The following IYD variants were observed in gnomAD, a reference collection of about 807,000 sequenced individuals.
The protein encoded by IYD is iodotyrosine deiodinase, also known as iodotyrosine deiodinase 1.
IYD carries 25 observed loss-of-function variants against 28.4 expected under a neutral mutation model. That is an observed-to-expected ratio of 0.88 (90% CI 0.64 to 1.23). The LOEUF (loss-of-function observed/expected upper bound fraction) is 1.23. IYD is among the 50% of genes most tolerant of loss of function. The pLI, the probability that IYD is intolerant of heterozygous loss-of-function variation, is 0.00. For synonymous variants in IYD, 140 were observed against 130.8 expected, an observed-to-expected ratio of 1.07 and a Z score of -0.48; for missense variants, 352 against 357.9, an observed-to-expected ratio of 0.98 and a Z score of 0.13.
chr6:150,392,486 CA>C lies in IYD; in HGVS notation c.513del (p.Asp172ThrfsTer5). 6.2e-7 allele frequency: 1 copy of C among 1,613,934 alleles called. No homozygotes were observed. The highest frequency in any genetic ancestry group is 1.1e-5 in the South Asian group (1 of 91,070). ...AAAAGGATGGGACATCGCTGGGTCA[CA>C]GACCTCAAGAAACTGAGGTACAAAC... ...YMKRMGHRWVTDLKKLRTNWI... is the reference protein window; with the variant it reads ...YMKRMGHRWVXDLKKLRTNWI... On this transcript the variant is annotated frameshift_variant, in exon 3 of 5. Transcript: ENST00000344419. LOFTEE classifies it high-confidence loss of function.
At chr6:150,373,092 A>G (rs796402603) in intron 1 of IYD, among the ~76,000 whole-genome samples, 30 of 152,320 alleles carry the variant, frequency 2.0e-4, no homozygotes, top group African/African-American at 7.2e-4. Flanking sequence ...ATTCTTCTGC[A>G]CTTAGCTTCA....
At position 150,387,682 on chromosome 6, in the gene IYD, A is replaced by T. The variant is rs74584192; in HGVS notation, c.179-1670A>T. On this transcript the variant is annotated intron_variant, in intron 1 of 4. Transcript: ENST00000344419. The stretch of plus-strand genomic sequence containing the variant: ...AATTCTAAGTGTTTTCTTCTGACTT[A>T]CCTCCCAGTTCATTAATTTTTCTGT... 6.9e-3 allele frequency among the ~76,000 whole-genome samples: 1,041 copies of T among 151,902 alleles called. 16 individuals carry two copies. Among genetic ancestry groups the T allele is most frequent in the African/African-American group, 0.023 (962 of 41,432 alleles).
chr6:150,389,760 A>T (rs1460124447), intron 2 of IYD: 3 of 535,046 alleles, frequency 5.6e-6, no homozygotes, highest in Non-Finnish European at 1.0e-5. Context: ...AAGATGTGAC[A>T]ATAGTTCAAA....
chr6:150,389,170 G>A (rs1292449096), intron 1 of IYD, among the ~76,000 whole-genome samples, 182 bp from the exon 2 acceptor site: 3 of 152,164 alleles, frequency 2.0e-5, no homozygotes, highest in Admixed American at 6.5e-5. Flanking sequence ...GCACCCAGCT[G>A]GAGTTTTAAG....
intron 4 of IYD, among the ~76,000 whole-genome samples, chr6:150,397,486 C>G (rs1414410788): frequency 6.8e-6 from 1 of 148,140 alleles, no homozygotes; most frequent in Non-Finnish European, 1.5e-5. Flanking sequence ...GGGAGGATGG[C>G]TTGAGCCCAG....
chr6:150,387,920 C>G (rs1270017841), intron 1 of IYD, among the ~76,000 whole-genome samples: 1 of 151,038 alleles, frequency 6.6e-6, no homozygotes, highest in Non-Finnish European at 1.5e-5. Flanking sequence ...TCTCTAAATA[C>G]AGTAATCATA....
chr6:150,372,819 G>A (rs983194401), intron 1 of IYD, among the ~76,000 whole-genome samples: 1 of 151,942 alleles, frequency 6.6e-6, no homozygotes, highest in Non-Finnish European at 1.5e-5. Flanking sequence ...TAGATGTAGG[G>A]TACAGTCTCC....
rs764012623 is a variant in IYD at position 150,392,364 on chromosome 6, T to C, written c.390T>C (p.Ala130=). 3 of 1,613,578 alleles carry C rather than the reference T, an allele frequency of 1.9e-6. No individual in the cohort carries two copies. The highest frequency in any genetic ancestry group is 3.3e-5 in the Admixed American group (2 of 60,020). The part of the protein sequence containing the change: ...IRTAGTAPSG[A]HTEPWTFVVV... ...TGACAGGAACAGCCCCGAGTGGGGC[T>C]CACACAGAGCCCTGGACCTTCGTGG... Residue 130 remains alanine, a synonymous_variant, in exon 3 of 5, where the codon GCT becomes GCC. Transcript: ENST00000344419.
At chr6:150,379,928 T>C (rs1339770834) in intron 1 of IYD, among the ~76,000 whole-genome samples, 1 of 152,236 alleles carries the variant, frequency 6.6e-6, no homozygotes, top group South Asian at 2.1e-4. Context: ...GTGATCATTC[T>C]CTTGCTATTG....
In IYD at chr6:150,386,993, G is replaced by A. The variant is rs148489557; in HGVS notation, c.179-2359G>A. ...ATTCAGTTATTTCTGTGTTCTTCCCGAGGTAAACTTTTTCTCTAGTTGCTT... is the reference window on the plus strand; with the variant it reads ...ATTCAGTTATTTCTGTGTTCTTCCCAAGGTAAACTTTTTCTCTAGTTGCTT... On this transcript the variant is annotated intron_variant, in intron 1 of 4. Coordinates refer to ENST00000344419, the MANE Select transcript of IYD (RefSeq NM_203395.3). Among the ~76,000 whole-genome samples the A allele has an allele frequency of 5.3e-5, 8 of 151,984 alleles. No individual in the cohort carries two copies. The East Asian group carries it at 9.6e-4, about 18-fold the overall frequency.
chr6:150,377,819 G>C (rs900536913), intron 1 of IYD, among the ~76,000 whole-genome samples: 2 of 152,182 alleles, frequency 1.3e-5, no homozygotes, highest in Admixed American at 1.3e-4. Context: ...GGTGTCAAAA[G>C]TATCATTGGT....
At position 150,386,452 on chromosome 6, in the gene IYD, G is replaced by A. The variant is rs143146984; in HGVS notation, c.179-2900G>A. On this transcript the variant is annotated intron_variant, in intron 1 of 4. Transcript: ENST00000344419. ...ATTGGGCCATTAAAATGTGTTGAGA[G>A]TTATTTTCTGGTCCAATAAGTCTGC... 5.3e-5 allele frequency among the ~76,000 whole-genome samples: 8 copies of A among 151,406 alleles called. No homozygotes were observed. The South Asian group carries it at 1.7e-3, about 32-fold the overall frequency.
At chr6:150,370,320 C>A (rs634686) in intron 1 of IYD, among the ~76,000 whole-genome samples, 1 of 149,566 alleles carries the variant, frequency 6.7e-6, no homozygotes, top group African/African-American at 2.5e-5. Flanking sequence ...TGTGTGTGCA[C>A]GAGTGGGTGA....
chr6:150,387,462 C>T (rs576208728), intron 1 of IYD, among the ~76,000 whole-genome samples: 1 of 151,448 alleles, frequency 6.6e-6, no homozygotes, highest in East Asian at 1.9e-4. Flanking sequence ...TTTACCAGCC[C>T]TCTTGAATCT....
rs1344249320 is a variant in IYD at position 150,398,575 on chromosome 6, A to G, written c.*338A>G. On this transcript the variant is annotated 3_prime_UTR_variant, in exon 5 of 5. Coordinates refer to ENST00000344419, the MANE Select transcript of IYD (RefSeq NM_203395.3). ...TAGAGGAGACAATCAGAAATTTACCATAGTCCCAAGAATTCAGCTACATGA... is the reference window on the plus strand; with the variant it reads ...TAGAGGAGACAATCAGAAATTTACCGTAGTCCCAAGAATTCAGCTACATGA... The G allele has an allele frequency of 4.6e-6, 1 of 217,318 alleles. No homozygotes were observed. The highest frequency in any genetic ancestry group is 9.2e-6 in the Non-Finnish European group (1 of 109,232). The allele number at this position is 217,318 out of a possible 1,614,324, so 13.5% of individuals were successfully genotyped here.
intron 4 of IYD, among the ~76,000 whole-genome samples, chr6:150,397,057 C>G (rs977455167): frequency 9.1e-5 from 13 of 142,128 alleles, no homozygotes; most frequent in Non-Finnish European, 1.6e-4. Context: ...CTTCGTTAAT[C>G]AAGGTATAGT....
intron 1 of IYD, chr6:150,370,403 A>G (rs931615465): frequency 1.2e-5 from 9 of 756,892 alleles, no homozygotes; most frequent in Non-Finnish European, 1.4e-5. Context: ...GCATGCATGA[A>G]TGTGTGTGTG....
At position 150,399,686 on chromosome 6, in the gene IYD, C is replaced by T. The variant is rs1389736380; in HGVS notation, c.*1449C>T. The T allele has an allele frequency of 6.6e-6, 1 of 152,278 alleles. No individual in the cohort carries two copies. Among genetic ancestry groups the T allele is most frequent in the Non-Finnish European group, 1.5e-5 (1 of 68,138 alleles). 9.4% of individuals were successfully genotyped at this position (152,278 alleles called of 1,614,324 possible). A position where few individuals can be genotyped will look rare whatever the true frequency, so the allele number is the denominator to read the frequency against. Reference sequence around the variant, plus strand: ...CAACAGAAATTTGTTTCTCACAGTTCTGGAGGCTGGAAGTCCAAGGTCGGG... The same window carrying T: ...CAACAGAAATTTGTTTCTCACAGTTTTGGAGGCTGGAAGTCCAAGGTCGGG... On this transcript the variant is annotated 3_prime_UTR_variant, in exon 5 of 5. Transcript: ENST00000344419.
At chr6:150,369,305 C>A in intron 1 of IYD, 96 bp downstream of exon 1, 1 of 1,184,968 alleles carries the variant, frequency 8.4e-7, no homozygotes, top group Non-Finnish European at 1.2e-6. Flanking sequence ...AAGAAACACA[C>A]ACAGGCCAGC....
Sources: gnomAD v4.1 joint callset for allele counts (sites outside exome capture counted in the v4.1 genomes callset) on GRCh38, gnomAD v4.1.1 for gene constraint, MANE v1.5 for transcripts, NCBI Gene and HGNC (gene_info 2026-07-23, HGNC 2026-07-21) for gene names.